Variants in VPS35L observed in about 807,000 individuals in gnomAD.
The protein encoded by VPS35L is VPS35 endosomal protein sorting factor like, also known as VPS35 endosomal protein-sorting factor-like.
A neutral mutation model predicts 133.0 loss-of-function variants in VPS35L; 83 were observed. The observed-to-expected ratio is 0.62, with a 90% CI of 0.52 to 0.75. The LOEUF (loss-of-function observed/expected upper bound fraction) is 0.75. VPS35L is among the 30% of genes least tolerant of loss of function. The probability of loss-of-function intolerance (pLI) is 0.00; values close to 1 mark genes in which losing one functional copy is unlikely to be tolerated. For missense variants in VPS35L, 1,083 were observed against 1,206.8 expected, an observed-to-expected ratio of 0.90 and a Z score of 1.52; for synonymous variants, 423 against 449.9, an observed-to-expected ratio of 0.94 and a Z score of 0.76.
intron 9 of VPS35L, among the ~76,000 whole-genome samples, chr16:19,603,417 G>A (rs1455778661): frequency 6.6e-6 from 1 of 152,150 alleles, no homozygotes; most frequent in African/African-American, 2.4e-5. Flanking sequence ...AGTAAAAGAC[G>A]GTAAAGTAGC....
intron 7 of VPS35L, among the ~76,000 whole-genome samples, chr16:19,583,042 G>A (rs531175960): frequency 7.9e-5 from 12 of 152,032 alleles, no homozygotes; most frequent in Non-Finnish European, 5.9e-5. Flanking sequence ...TTGCTATACG[G>A]TAAAGTTTTT....
intron 29 of VPS35L, among the ~76,000 whole-genome samples, chr16:19,698,377 G>C (rs560443072): frequency 1.3e-5 from 2 of 152,046 alleles, no homozygotes; most frequent in Non-Finnish European, 2.9e-5. Context: ...TCCACTGCTT[G>C]TCTCTGATTC....
intron 14 of VPS35L, among the ~76,000 whole-genome samples, chr16:19,620,112 G>T (rs915785283): frequency 2.6e-5 from 4 of 152,166 alleles, no homozygotes; most frequent in African/African-American, 9.7e-5. Context: ...GTCTTAGTCC[G>T]TTCGGGCTGC....
chr16:19,593,564 G>C (rs1478742744), intron 8 of VPS35L, among the ~76,000 whole-genome samples: 2 of 152,168 alleles, frequency 1.3e-5, no homozygotes, highest in African/African-American at 2.4e-5. Context: ...GAAAAGTCCA[G>C]GGGTAGTTTG....
chr16:19,669,400 G>A, intron 27 of VPS35L, 101 bp downstream of exon 27: 1 of 1,348,944 alleles, frequency 7.4e-7, no homozygotes. Flanking sequence ...ATTCTATCTA[G>A]TATCTTTGTG....
At chr16:19,559,506 A>C (rs1462736019) in intron 1 of VPS35L, among the ~76,000 whole-genome samples, 1 of 152,170 alleles carries the variant, frequency 6.6e-6, no homozygotes, top group Non-Finnish European at 1.5e-5. Context: ...AAAAGGAATG[A>C]TTTTTGAGAA....
At chr16:19,580,819 C>G (rs1288746921) in intron 6 of VPS35L, among the ~76,000 whole-genome samples, 1 of 152,124 alleles carries the variant, frequency 6.6e-6, no homozygotes, top group Non-Finnish European at 1.5e-5. Context: ...TTCTTTGTTA[C>G]CATATTTTTT....
Position 19,662,500 on chromosome 16 carries a change from T to C in VPS35L, c.2222-6660T>C, listed in dbSNP as rs144049313. On this transcript the variant is annotated intron_variant, in intron 26 of 30. Coordinates refer to ENST00000417362, the MANE Select transcript of VPS35L (RefSeq NM_020314.7). ...CATTGGCCTCCATAAGCCGGCAAAG[T>C]TCGCATTTATTTAGTACAGATTAAA... Among the ~76,000 whole-genome samples, 314 of 152,266 alleles carry C rather than the reference T, an allele frequency of 2.1e-3. 12 individuals are homozygous for C. In the East Asian group the frequency reaches 0.055, roughly 27 times the overall value.
In VPS35L at chr16:19,633,815, G is replaced by T. The variant is rs1288156580; in HGVS notation, c.1635+643G>T. On this transcript the variant is annotated intron_variant, in intron 19 of 30. Transcript: ENST00000417362. The surrounding 1 kb of genome is among the most constrained non-coding windows in gnomAD (Gnocchi z 4.1). ...TGCAGTGGTGCGATCTTGGCTCATT[G>T]CAACCTCCACCTTCAATTCTTCTGT... Among the ~76,000 whole-genome samples the T allele has an allele frequency of 6.6e-6, 1 of 151,980 alleles. No homozygotes were observed. The highest frequency in any genetic ancestry group is 2.4e-5 in the African/African-American group (1 of 41,368).
chr16:19,619,668 G>A (rs1973014840), intron 14 of VPS35L, among the ~76,000 whole-genome samples: 1 of 152,178 alleles, frequency 6.6e-6, no homozygotes, highest in Non-Finnish European at 1.5e-5. Flanking sequence ...GATGGCAGAA[G>A]CTGGGAATAA....
At chr16:19,567,049 G>A (rs1335086879) in intron 2 of VPS35L, among the ~76,000 whole-genome samples, 1 of 152,170 alleles carries the variant, frequency 6.6e-6, no homozygotes, top group Non-Finnish European at 1.5e-5. Flanking sequence ...ACTGTGCCCG[G>A]CCCAGTTGGC....
chr16:19,558,011 A>G (rs1469421326), intron 1 of VPS35L, among the ~76,000 whole-genome samples: 1 of 152,128 alleles, frequency 6.6e-6, no homozygotes, highest in African/African-American at 2.4e-5. Flanking sequence ...CGGAGGTTGC[A>G]GTGAGCCAAG....
chr16:19,628,761 GC>G lies in VPS35L; in HGVS notation c.1500+10del. 1 of 1,203,918 alleles carries G rather than the reference GC, an allele frequency of 8.3e-7. No individual in the cohort carries two copies. Among genetic ancestry groups the G allele is most frequent in the Non-Finnish European group, 1.1e-6 (1 of 895,548 alleles). 74.6% of individuals were successfully genotyped at this position (1,203,918 alleles called of 1,614,324 possible). ...AAGCTGAAGAACCCACAGGTGAGTG[GC>G]CATTTTATTTTTATTTTTATTTATT... On this transcript the variant is annotated intron_variant, in intron 17 of 30. Transcript: ENST00000417362.
At chr16:19,597,290 G>A (rs758367410) in intron 8 of VPS35L, among the ~76,000 whole-genome samples, 4 of 151,634 alleles carry the variant, frequency 2.6e-5, no homozygotes, top group Non-Finnish European at 5.9e-5. Flanking sequence ...CAGATTCCTT[G>A]AGCCCAAGAA....
At chr16:19,649,769 T>C (rs1049593021) in intron 24 of VPS35L, among the ~76,000 whole-genome samples, 2 of 152,188 alleles carry the variant, frequency 1.3e-5, no homozygotes, top group African/African-American at 4.8e-5. Context: ...TTCATATGTA[T>C]TTGTTTGCTG....
chr16:19,579,681 G>C (rs1416778810), intron 6 of VPS35L: 2 of 152,388 alleles, frequency 1.3e-5, no homozygotes, highest in African/African-American at 4.8e-5. Flanking sequence ...GGGCGAAAGA[G>C]CAAGACTTTG....
chr16:19,667,486 A>G (rs1974732745), intron 26 of VPS35L, among the ~76,000 whole-genome samples: 1 of 152,116 alleles, frequency 6.6e-6, no homozygotes, highest in Non-Finnish European at 1.5e-5. Context: ...GTAATCCCAG[A>G]ACTTTAGGAG....
chr16:19,561,844 G>A (rs1274171851), intron 1 of VPS35L, among the ~76,000 whole-genome samples: 1 of 152,166 alleles, frequency 6.6e-6, no homozygotes, highest in Non-Finnish European at 1.5e-5. Flanking sequence ...AGTGGCTCAC[G>A]TTTCTAATCC....
chr16:19,624,745 C>T lies in VPS35L; in HGVS notation c.1225-1432C>T, dbSNP rs141007171. On this transcript the variant is annotated intron_variant, in intron 14 of 30. Transcript: ENST00000417362. ...ACAGGCATGAGCCACCACCCCTGGC[C>T]TGCACAAATCCCATTTTTGCCACTT... Among the ~76,000 whole-genome samples, 49 of 152,308 alleles carry T rather than the reference C, an allele frequency of 3.2e-4. No homozygotes were observed. In the East Asian group the frequency reaches 9.5e-3, roughly 29 times the overall value.
Sources: allele counts gnomAD v4.1 joint callset (sites outside exome capture counted in the v4.1 genomes callset), GRCh38; gene constraint gnomAD v4.1.1; non-coding constraint Gnocchi (gnomAD v3.1); transcripts MANE v1.5; gene names NCBI Gene and HGNC (gene_info 2026-07-23, HGNC 2026-07-21).